VCAN: variants seen among roughly 807,000 people sequenced by gnomAD.
VCAN encodes the protein versican core protein.
A neutral mutation model predicts 245.5 loss-of-function variants in VCAN; 44 were observed. The ratio of observed to expected loss-of-function variants is 0.18; its 90% CI spans 0.14 to 0.23. The LOEUF is 0.23. VCAN is among the 10% of genes least tolerant of loss of function. The pLI, the probability that VCAN is intolerant of heterozygous loss-of-function variation, is 1.00. For synonymous variants in VCAN, 1,413 were observed against 1,437.0 expected, an observed-to-expected ratio of 0.98 and a Z score of 0.38; for missense variants, 3,793 against 4,057.9, an observed-to-expected ratio of 0.93 and a Z score of 1.77.
chr5:83,472,299 G>A (rs1202025054), intron 1 of VCAN, among the ~76,000 whole-genome samples: 1 of 152,078 alleles, frequency 6.6e-6, no homozygotes, highest in Admixed American at 6.5e-5. Context: ...AACGGAATTG[G>A]GGGAAGGGAG....
chr5:83,530,481 C>T (rs962685209), intron 7 of VCAN, among the ~76,000 whole-genome samples: 7 of 151,830 alleles, frequency 4.6e-5, no homozygotes, highest in Non-Finnish European at 7.4e-5. Context: ...GGGTGAGGGG[C>T]GTAGCTAAGG....
chr5:83,560,004 CAA>C (rs35874300), intron 12 of VCAN, among the ~76,000 whole-genome samples: 53 of 137,634 alleles, frequency 3.9e-4, no homozygotes, highest in African/African-American at 7.5e-4. Flanking sequence ...GTGAAAAGAC[CAA>C]AAAAAAAAAA....
At chr5:83,505,227 C>T (rs1374773976) in intron 5 of VCAN, among the ~76,000 whole-genome samples, 1 of 152,170 alleles carries the variant, frequency 6.6e-6, no homozygotes, top group Non-Finnish European at 1.5e-5. Flanking sequence ...CTCATTTCAG[C>T]ATTAACCCAA....
intron 1 of VCAN, among the ~76,000 whole-genome samples, chr5:83,472,302 G>C (rs1744223078): frequency 6.6e-6 from 1 of 151,988 alleles, no homozygotes; most frequent in Non-Finnish European, 1.5e-5. Context: ...GGAATTGGGG[G>C]AAGGGAGGGA....
chr5:83,541,949 C>T lies in VCAN; in HGVS notation c.8946C>T (p.Ala2982=). 1.9e-6 allele frequency: 3 copies of T among 1,614,024 alleles called. No homozygotes were observed. The highest frequency in any genetic ancestry group is 1.1e-5 in the South Asian group (1 of 91,082). ...TQWPHSTSAS[A]TYGVEAGVVP... is the part of the protein sequence containing the mutation. ...GGCCACACTCTACTTCTGCTTCTGC[C>T]ACCTATGGGGTCGAGGCAGGTGTGG... The change falls in exon 8 of 15, where the codon GCC becomes GCT. Residue 2982 remains alanine, a synonymous_variant. Coordinates refer to ENST00000265077, the MANE Select transcript of VCAN (RefSeq NM_004385.5).
In VCAN at chr5:83,510,943, G is replaced by A. The variant is rs1424058989; in HGVS notation, c.749-1160G>A. On this transcript the variant is annotated intron_variant, in intron 5 of 14. Transcript: ENST00000265077. ...AGCCTGGCCAACATGGCAAAACCCCGTCTCCACTAAAAATACAAAAATTAG... is the reference window on the plus strand; with the variant it reads ...AGCCTGGCCAACATGGCAAAACCCCATCTCCACTAAAAATACAAAAATTAG... Among the ~76,000 whole-genome samples, 8 of 152,144 alleles carry A rather than the reference G, an allele frequency of 5.3e-5. No individual in the cohort carries two copies. In the East Asian group the frequency reaches 5.9e-4, roughly 11 times the overall value.
At chr5:83,483,419 C>A in intron 1 of VCAN, 94 bp from the exon 2 acceptor site, 1 of 966,008 alleles carries the variant, frequency 1.0e-6, no homozygotes, top group East Asian at 2.5e-5. Context: ...TTAATACTAC[C>A]CTTATTACAT....
At chr5:83,478,110 T>C (rs1744466542) in intron 1 of VCAN, among the ~76,000 whole-genome samples, 1 of 152,004 alleles carries the variant, frequency 6.6e-6, no homozygotes, top group Non-Finnish European at 1.5e-5. Flanking sequence ...GCTTGGCTAA[T>C]TTTCGTGTTT....
In VCAN at chr5:83,537,320, T is replaced by G. The variant is rs777054230; in HGVS notation, c.4317T>G (p.Pro1439=). The change falls in exon 8 of 15, where the codon CCT becomes CCG. Residue 1439 remains proline, a synonymous_variant. Coordinates refer to ENST00000265077, the MANE Select transcript of VCAN (RefSeq NM_004385.5). ...ARRGQFESVA[P]SQNFSDSSES... ...GTGGCCAGTTTGAAAGTGTTGCACC[T>G]TCTCAGAATTTCTCGGACAGCTCTG... 1 of 1,613,972 alleles carries G rather than the reference T, an allele frequency of 6.2e-7. No homozygotes were observed. Among genetic ancestry groups the G allele is most frequent in the South Asian group, 1.1e-5 (1 of 91,076 alleles).
At chr5:83,577,800 C>G (rs778894208) in intron 13 of VCAN, among the ~76,000 whole-genome samples, 29 of 152,176 alleles carry the variant, frequency 1.9e-4, no homozygotes. Flanking sequence ...TTTCCCTCTG[C>G]TCTGCCATGT....
At chr5:83,473,997 A>G (rs1744292903) in intron 1 of VCAN, among the ~76,000 whole-genome samples, 1 of 152,042 alleles carries the variant, frequency 6.6e-6, no homozygotes, top group Admixed American at 6.6e-5. Context: ...ACGAACGCAC[A>G]TGGCCAGGGT....
intron 3 of VCAN, among the ~76,000 whole-genome samples, chr5:83,491,234 C>A (rs1744970949): frequency 6.6e-6 from 1 of 152,094 alleles, no homozygotes; most frequent in African/African-American, 2.4e-5. Flanking sequence ...ATGCCATAGC[C>A]CTTGGAAGCG....
chr5:83,488,141 C>G (rs1353242929), intron 2 of VCAN, among the ~76,000 whole-genome samples: 1 of 152,016 alleles, frequency 6.6e-6, no homozygotes, highest in Non-Finnish European at 1.5e-5. Flanking sequence ...AAATTCTCAC[C>G]CTTTCTCTTC....
chr5:83,558,240 C>T (rs186225384), intron 12 of VCAN, among the ~76,000 whole-genome samples: 1 of 152,134 alleles, frequency 6.6e-6, no homozygotes, highest in Admixed American at 6.6e-5. Flanking sequence ...GAATAAAATC[C>T]TTCTGCTTTG....
Position 83,538,184 on chromosome 5 carries a change from G to C in VCAN, c.5181G>C (p.Glu1727Asp), listed in dbSNP as rs745683924. Residue 1727 changes from glutamate to aspartate, a missense_variant, in exon 8 of 15, where the codon GAG becomes GAC. This residue lies in a region of VCAN where 3,182 missense variants were observed against 3,250.3 expected (regional missense o/e 0.98). Transcript: ENST00000265077. ...STTVEEKKRK[E>D]EEGTTGTAST... ...CTGTTGAGGAAAAGAAAAGGAAGGA[G>C]GAGGAGGGAACTACAGGTACGGCTT... 1 of 1,613,968 alleles carries C rather than the reference G, an allele frequency of 6.2e-7. No homozygotes were observed.
intron 2 of VCAN, among the ~76,000 whole-genome samples, chr5:83,485,445 G>A (rs938728361): frequency 6.6e-6 from 1 of 151,798 alleles, no homozygotes; most frequent in African/African-American, 2.4e-5. Context: ...TCCAAGTGCA[G>A]TAGGAAGTAT....
chr5:83,490,669 C>T (rs563543448), intron 3 of VCAN, among the ~76,000 whole-genome samples, 197 bp downstream of exon 3: 3 of 152,248 alleles, frequency 2.0e-5, no homozygotes, highest in Non-Finnish European at 2.9e-5. Context: ...TTTTTGGCAG[C>T]CACTTCATTG....
chr5:83,500,149 C>G (rs573196383), intron 5 of VCAN, among the ~76,000 whole-genome samples: 5 of 152,190 alleles, frequency 3.3e-5, no homozygotes, highest in East Asian at 1.9e-4. Context: ...TGCGTCCTTA[C>G]TGGGCTTATT....
chr5:83,579,249 GTTTGTTTGT>G (rs553977195), intron 13 of VCAN, among the ~76,000 whole-genome samples: 1,124 of 109,884 alleles, frequency 0.01, 4 homozygotes, highest in African/African-American at 0.018. Flanking sequence ...TTGTTTGTTT[GTTTGTTTGT>G]TTTGTTTTGT....
Sources: gnomAD v4.1 joint callset for allele counts (sites outside exome capture counted in the v4.1 genomes callset) on GRCh38, gnomAD v4.1.1 for gene constraint, gnomAD v4.1.1 regional missense constraint, MANE v1.5 for transcripts, NCBI Gene and HGNC (gene_info 2026-07-23, HGNC 2026-07-21) for gene names.